The following YAF2 variants were observed in gnomAD, a reference collection of about 807,000 sequenced individuals.
YAF2 encodes YY1-associated factor 2.
In YAF2, 7 loss-of-function variants were observed where a neutral mutation model predicts 20.1. The ratio of observed to expected loss-of-function variants is 0.35; its 90% CI spans 0.20 to 0.65. YAF2 has a LOEUF of 0.65. YAF2 is among the 30% of genes least tolerant of loss of function. The probability of loss-of-function intolerance (pLI) is 0.69; values close to 1 mark genes in which losing one functional copy is unlikely to be tolerated. For synonymous variants in YAF2, 74 were observed against 76.0 expected (o/e 0.97, Z 0.14); for missense variants, 151 against 219.2 (o/e 0.69, Z 1.96).
intron 2 of YAF2, among the ~76,000 whole-genome samples, chr12:42,208,069 T>A (rs2067103557): frequency 6.6e-6 from 1 of 152,196 alleles, no homozygotes; most frequent in Non-Finnish European, 1.5e-5. Context: ...ATATTTTTAT[T>A]ACACAACATA....
chr12:42,186,316 G>A (rs1028432471), intron 2 of YAF2, among the ~76,000 whole-genome samples: 1 of 151,544 alleles, frequency 6.6e-6, no homozygotes, highest in Non-Finnish European at 1.5e-5. Context: ...ATGGTGTCAC[G>A]GCACTCCAGC....
chr12:42,232,722 A>T, intron 2 of YAF2: 1 of 985,466 alleles, frequency 1.0e-6, no homozygotes, highest in African/African-American at 1.7e-5. Flanking sequence ...AGCAAGTATG[A>T]CAAGAAAACA....
intron 2 of YAF2, chr12:42,233,336 T>A (rs761203545): frequency 6.1e-6 from 6 of 985,308 alleles, no homozygotes; most frequent in Non-Finnish European, 7.2e-6. Context: ...CCCAAACCAA[T>A]AATTCTATCA....
chr12:42,175,932 A>G (rs952260604), intron 2 of YAF2, among the ~76,000 whole-genome samples: 3 of 151,766 alleles, frequency 2.0e-5, no homozygotes, highest in African/African-American at 7.3e-5. Flanking sequence ...CCAGACTTCT[A>G]TAACCAACTA....
chr12:42,201,508 C>T (rs975526104), intron 2 of YAF2, among the ~76,000 whole-genome samples: 1 of 151,972 alleles, frequency 6.6e-6, no homozygotes, highest in East Asian at 1.9e-4. Context: ...ACAAATCCAC[C>T]GAATATTAAA....
intron 2 of YAF2, among the ~76,000 whole-genome samples, chr12:42,170,119 G>T: frequency 6.6e-6 from 1 of 151,992 alleles, no homozygotes; most frequent in East Asian, 1.9e-4. Context: ...CAATCCTCCT[G>T]CCTCAGCCTC....
chr12:42,185,294 TACAGATAA>T (rs1163122512), intron 2 of YAF2, among the ~76,000 whole-genome samples: 1 of 152,206 alleles, frequency 6.6e-6, no homozygotes, highest in Admixed American at 6.5e-5. Context: ...AGTTGCTTAT[TACAGATAA>T]ACACACAAAG....
At chr12:42,173,292 C>T (rs1281034674) in intron 2 of YAF2, among the ~76,000 whole-genome samples, 1 of 152,194 alleles carries the variant, frequency 6.6e-6, no homozygotes, top group East Asian at 1.9e-4. Context: ...AACACTTCTG[C>T]AGCAGACCAG....
At chr12:42,207,177 G>A (rs1351018215) in intron 2 of YAF2, among the ~76,000 whole-genome samples, 1 of 152,184 alleles carries the variant, frequency 6.6e-6, no homozygotes, top group Non-Finnish European at 1.5e-5. Flanking sequence ...ACAAAGACAT[G>A]CAGCAGTAGA....
intron 2 of YAF2, among the ~76,000 whole-genome samples, chr12:42,219,442 A>G (rs2067451554): frequency 1.3e-5 from 2 of 152,316 alleles, no homozygotes; most frequent in South Asian, 4.1e-4. Flanking sequence ...CAGGGATAAG[A>G]GATAGGAGGT....
intron 2 of YAF2, among the ~76,000 whole-genome samples, chr12:42,230,282 A>G (rs1007165221): frequency 3.3e-5 from 5 of 151,670 alleles, no homozygotes; most frequent in Non-Finnish European, 5.9e-5. Context: ...AAGAAAGAGA[A>G]GAAAGAGAAG....
At chr12:42,215,028 A>G (rs184122722) in intron 2 of YAF2, among the ~76,000 whole-genome samples, 3 of 152,216 alleles carry the variant, frequency 2.0e-5, no homozygotes, top group Admixed American at 2.0e-4. Flanking sequence ...ATAAATAAAT[A>G]AATGAATTCC....
intron 2 of YAF2, among the ~76,000 whole-genome samples, chr12:42,208,269 C>CA (rs1335755821): frequency 6.6e-6 from 1 of 151,730 alleles, no homozygotes; most frequent in Non-Finnish European, 1.5e-5. Flanking sequence ...ACTAAATATA[C>CA]AAAAAAGCTA....
At chr12:42,224,514 C>T (rs1057034851) in intron 2 of YAF2, among the ~76,000 whole-genome samples, 1 of 152,128 alleles carries the variant, frequency 6.6e-6, no homozygotes, top group African/African-American at 2.4e-5. Context: ...TCTTCTAATG[C>T]TATCCCTCCT....
intron 2 of YAF2, among the ~76,000 whole-genome samples, chr12:42,227,791 G>A (rs1359278173): frequency 1.2e-4 from 18 of 148,244 alleles, no homozygotes; most frequent in Admixed American, 4.0e-4. Flanking sequence ...GTCCGGGAGG[G>A]AGGTGGGGGG....
Position 42,165,633 on chromosome 12 carries a change from T to A in YAF2, c.153-3868A>T, listed in dbSNP as rs2065896178. On this transcript the variant is annotated intron_variant, in intron 2 of 3. Coordinates refer to ENST00000534854, the MANE Select transcript of YAF2 (RefSeq NM_005748.6). Reference sequence around the variant, plus strand: ...TGCCTGCCACCATGCCCGGCTAATTTTTTTTTATTTTTTATTTTTAATAGA... The same window carrying A: ...TGCCTGCCACCATGCCCGGCTAATTATTTTTTATTTTTTATTTTTAATAGA... 2.6e-5 allele frequency among the ~76,000 whole-genome samples: 4 copies of A among 151,572 alleles called. No homozygotes were observed. In the South Asian group the frequency reaches 8.3e-4, roughly 32 times the overall value.
intron 2 of YAF2, among the ~76,000 whole-genome samples, chr12:42,192,983 A>G (rs2066653622): frequency 6.6e-6 from 1 of 152,194 alleles, no homozygotes; most frequent in Admixed American, 6.5e-5. Context: ...TGATGCTGAT[A>G]TAAACAAACC....
chr12:42,197,053 T>C (rs1014989699), intron 2 of YAF2, among the ~76,000 whole-genome samples: 5 of 152,238 alleles, frequency 3.3e-5, no homozygotes, highest in Non-Finnish European at 7.3e-5. Context: ...CCTCAGTAAA[T>C]GTTTAGTGAT....
At chr12:42,177,200 G>C (rs2066218138) in intron 2 of YAF2, among the ~76,000 whole-genome samples, 1 of 152,056 alleles carries the variant, frequency 6.6e-6, no homozygotes, top group African/African-American at 2.4e-5. Context: ...TGTGATATAG[G>C]CTCTTCCTAT....
Sources: allele counts gnomAD v4.1 joint callset (sites outside exome capture counted in the v4.1 genomes callset), GRCh38; gene constraint gnomAD v4.1.1; transcripts MANE v1.5; gene names NCBI Gene and HGNC (gene_info 2026-07-23, HGNC 2026-07-21).